Variants in ATP2C2 observed in about 807,000 individuals in gnomAD.
ATP2C2 encodes the protein ATPase secretory pathway Ca2+ transporting 2.
Under a neutral mutation model 110.8 loss-of-function variants are expected in ATP2C2, and 171 were observed. The ratio of observed to expected loss-of-function variants is 1.54; its 90% CI spans 1.36 to 1.75. The LOEUF is 1.75. Among genes scored for constraint, ATP2C2 ranks in the 40% most tolerant of loss-of-function variants. ATP2C2 has a pLI of 0.00. For synonymous variants in ATP2C2, 804 were observed against 508.4 expected (o/e 1.58, Z -7.82); for missense variants, 1,963 against 1,235.0 (o/e 1.59, Z -8.84).
intron 11 of ATP2C2, among the ~76,000 whole-genome samples, chr16:84,427,087 T>A (rs1907873137): frequency 6.6e-6 from 1 of 152,212 alleles, no homozygotes; most frequent in Admixed American, 6.5e-5. Context: ...CCAACCCATG[T>A]CTAGGCTCAT....
rs563452270 is a variant in ATP2C2, at chr16:84,463,785, T to G, written c.*53T>G. The G allele has an allele frequency of 2.3e-5, 35 of 1,490,532 alleles. 1 individual carries two copies. The South Asian group carries it at 3.3e-4, about 14-fold the overall frequency. The allele number at this position is 1,490,532 out of a possible 1,614,324, so 92.3% of individuals were successfully genotyped here. ...AATCATCTCGATCTGGTTGTGACTG[T>G]GGCCCCTGCCGTGTCTCCTCGTCAG... On this transcript the variant is annotated 3_prime_UTR_variant, in exon 27 of 27. Coordinates refer to ENST00000262429, the MANE Select transcript of ATP2C2 (RefSeq NM_014861.4).
chr16:84,379,820 T>G (rs1018890886), intron 1 of ATP2C2, among the ~76,000 whole-genome samples: 1 of 152,116 alleles, frequency 6.6e-6, no homozygotes, highest in Non-Finnish European at 1.5e-5. Flanking sequence ...GTCTATCAAA[T>G]AATTCCTCCA....
intron 7 of ATP2C2, among the ~76,000 whole-genome samples, chr16:84,419,673 A>G (rs1907155108): frequency 6.6e-6 from 1 of 151,692 alleles, no homozygotes; most frequent in Non-Finnish European, 1.5e-5. Context: ...CCCACTCCCC[A>G]TCCACATCGC....
chr16:84,410,253 G>T (rs906671137), intron 4 of ATP2C2, among the ~76,000 whole-genome samples: 1 of 152,086 alleles, frequency 6.6e-6, no homozygotes, highest in African/African-American at 2.4e-5. Context: ...TATGGAGAAG[G>T]GTGTTTGCAG....
chr16:84,461,293 T>C (rs1442295065), intron 24 of ATP2C2: 3 of 294,346 alleles, frequency 1.0e-5, no homozygotes, highest in Non-Finnish European at 1.9e-5. Flanking sequence ...AGATTGCCCA[T>C]GTGCAGGAAG....
rs1489383679 is a variant in ATP2C2, at chr16:84,462,027, A to G, written c.2620A>G (p.Met874Val). 3.7e-6 allele frequency: 6 copies of G among 1,613,810 alleles called. No homozygotes were observed. The highest frequency in any genetic ancestry group is 5.1e-6 in the Non-Finnish European group (6 of 1,179,920). The change falls in exon 26 of 27, where the codon ATG (methionine) becomes GTG (valine). Residue 874 changes from methionine (M) to valine (V), a missense_variant. Transcript: ENST00000262429. ...IFEIGFLRNH[M>V]FLYSVLGSIL... ...TGAGATCGGCTTTCTCAGGAACCAC[A>G]TGTTCCTCTACTCCGTCCTGGGGTC...
At chr16:84,386,620 G>C (rs9925382) in intron 1 of ATP2C2, among the ~76,000 whole-genome samples, 1 of 152,032 alleles carries the variant, frequency 6.6e-6, no homozygotes, top group East Asian at 1.9e-4. Context: ...CTCCCACTGC[G>C]TATGCACACA....
At chr16:84,380,402 TAA>T (rs1048990839) in intron 1 of ATP2C2, among the ~76,000 whole-genome samples, 60 of 152,214 alleles carry the variant, frequency 3.9e-4, no homozygotes, top group African/African-American at 1.3e-3. Flanking sequence ...AAACTTGTCT[TAA>T]GTTTTTCTCA....
At chr16:84,446,845 G>T (rs879505266) in intron 16 of ATP2C2, among the ~76,000 whole-genome samples, 2 of 152,072 alleles carry the variant, frequency 1.3e-5, no homozygotes, top group Middle Eastern at 3.2e-3. Flanking sequence ...AACACCAGTC[G>T]CCAACTTGCC....
chr16:84,459,855 C>T (rs1597884314), intron 23 of ATP2C2: 1 of 395,562 alleles, frequency 2.5e-6, no homozygotes, highest in South Asian at 2.6e-5. Flanking sequence ...GTGTTTCATC[C>T]CTGATGTCTA....
chr16:84,374,237 G>A (rs16963515), intron 1 of ATP2C2, among the ~76,000 whole-genome samples: 14,198 of 152,136 alleles, frequency 0.093, 775 homozygotes, highest in Middle Eastern at 0.15. Context: ...TTTTCTCACC[G>A]AATCCACAAT....
chr16:84,396,543 C>G (rs1178213582), intron 1 of ATP2C2, among the ~76,000 whole-genome samples: 3 of 104,524 alleles, frequency 2.9e-5, no homozygotes, highest in African/African-American at 1.1e-4. Context: ...GAGTGAGGCT[C>G]TATCTCAAAA....
Position 84,442,503 on chromosome 16 carries a change from C to T in ATP2C2, c.1312-7C>T. 1 of 1,613,940 alleles carries T rather than the reference C, an allele frequency of 6.2e-7. No individual in the cohort carries two copies. Among genetic ancestry groups the T allele is most frequent in the South Asian group, 1.1e-5 (1 of 91,054 alleles). On this transcript the variant is annotated splice_polypyrimidine_tract_variant and splice_region_variant and intron_variant, in intron 14 of 26. Coordinates refer to ENST00000262429, the MANE Select transcript of ATP2C2 (RefSeq NM_014861.4). The stretch of plus-strand genomic sequence containing the variant: ...TAACTACAGATGTCCGGACAATCCC[C>T]TTTTAGGCGGGCTGTGTTGCCAACA...
Position 84,439,537 on chromosome 16 carries a change from G to A in ATP2C2, c.1209+13G>A. 6.2e-7 allele frequency: 1 copy of A among 1,612,962 alleles called. No homozygotes were observed. The highest frequency in any genetic ancestry group is 8.5e-7 in the Non-Finnish European group (1 of 1,178,952). On this transcript the variant is annotated intron_variant, in intron 13 of 26. Transcript: ENST00000262429. ...GCTTCGTGCCGAGGTGAGTGCCAAA[G>A]GAATTTACAAGCCTTAAGGATGCAC... is the stretch of plus-strand genomic sequence containing the variant.
Position 84,408,423 on chromosome 16 carries a change from C to T in ATP2C2, c.346C>T (p.Leu116=). The T allele has an allele frequency of 6.2e-7, 1 of 1,612,934 alleles. No homozygotes were observed. The highest frequency in any genetic ancestry group is 8.5e-7 in the Non-Finnish European group (1 of 1,179,310). The change falls in exon 4 of 27, where the codon CTG becomes TTG. Residue 116 remains leucine, a synonymous_variant. Transcript: ENST00000262429. The stretch of plus-strand genomic sequence containing the variant: ...TCTTCAGTTTAAGAACCCCCTGATC[C>T]TGCTGCTGCTGGGCTCTGCCCTGGT... ...YLDQFKNPLI[L]LLLGSALVSV...
Position 84,368,557 on chromosome 16 carries a change from A to T in ATP2C2, c.-59A>T, listed in dbSNP as rs930962809. 1.7e-5 allele frequency: 23 copies of T among 1,346,318 alleles called. No individual in the cohort carries two copies. In the African/African-American group the frequency reaches 2.8e-4, roughly 16 times the overall value. The allele number at this position is 1,346,318 out of a possible 1,614,324, so 83.4% of individuals were successfully genotyped here. A position where few individuals can be genotyped will look rare whatever the true frequency, so the allele number is the denominator to read the frequency against. On this transcript the variant is annotated 5_prime_UTR_variant, in exon 1 of 27. Transcript: ENST00000262429. ...CGGCCCAGGAGGCTTGGGCGCGCGC[A>T]GCCATCCCGGGCCTCGCCGGGGACC...
At chr16:84,403,460 C>T (rs1432406041) in intron 2 of ATP2C2, among the ~76,000 whole-genome samples, 1 of 152,026 alleles carries the variant, frequency 6.6e-6, no homozygotes, top group Non-Finnish European at 1.5e-5. Flanking sequence ...AGTCTGCCAC[C>T]ACAATGGGCT....
chr16:84,410,682 C>T (rs756965161), intron 5 of ATP2C2, 22 bp from the exon 6 acceptor site: 1 of 1,614,052 alleles, frequency 6.2e-7, no homozygotes, highest in South Asian at 1.1e-5. Flanking sequence ...TTAAACAGCA[C>T]ATCTGATGTG....
At chr16:84,390,704 C>A (rs143207841) in intron 1 of ATP2C2, among the ~76,000 whole-genome samples, 1 of 152,124 alleles carries the variant, frequency 6.6e-6, no homozygotes, top group African/African-American at 2.4e-5. Context: ...ATGAGCTCCA[C>A]GTGGTGCCTG....
Sources: allele counts gnomAD v4.1 joint callset (sites outside exome capture counted in the v4.1 genomes callset), GRCh38; gene constraint gnomAD v4.1.1; transcripts MANE v1.5; gene names NCBI Gene and HGNC (gene_info 2026-07-23, HGNC 2026-07-21).